The following COL18A1 variants were observed in gnomAD, a reference collection of about 807,000 sequenced individuals.
The protein encoded by COL18A1 is collagen type XVIII alpha 1 chain, also known as collagen alpha-1(XVIII) chain.
Under a neutral mutation model 168.0 loss-of-function variants are expected in COL18A1, and 133 were observed. The ratio of observed to expected loss-of-function variants is 0.79; its 90% CI spans 0.69 to 0.91. The LOEUF is 0.91. COL18A1 is among the 40% of genes least tolerant of loss of function. The pLI is 0.00. For missense variants in COL18A1, 2,126 were observed against 1,925.4 expected (o/e 1.10, Z -1.95); for synonymous variants, 949 against 809.0 (o/e 1.17, Z -2.94).
chr21:45,449,043 C>G (rs1305445962), intron 2 of COL18A1, among the ~76,000 whole-genome samples: 1 of 152,240 alleles, frequency 6.6e-6, no homozygotes, highest in Non-Finnish European at 1.5e-5. Flanking sequence ...GCAGAGGTGG[C>G]AGCTGTCCCT....
rs1463771289 is a variant in COL18A1, at chr21:45,493,581, G to T, written c.2352+6G>T. On this transcript the variant is annotated splice_donor_region_variant and intron_variant, in intron 26 of 41. Coordinates refer to ENST00000651438, the MANE Select transcript of COL18A1 (RefSeq NM_001379500.1). ...CTGCCCAGAAAGGAGCCAAGGTGAG[G>T]GCCGGGCAGCCTCCTTCCGGCAGGC... The T allele has an allele frequency of 4.3e-5, 67 of 1,550,008 alleles. No homozygotes were observed. The highest frequency in any genetic ancestry group is 1.7e-4 in the Middle Eastern group (1 of 5,742).
chr21:45,480,195 C>T (rs766507192), intron 11 of COL18A1, 39 bp downstream of exon 11: 15 of 1,271,804 alleles, frequency 1.2e-5, no homozygotes, highest in South Asian at 2.5e-5. Flanking sequence ...CCGGGGTCTG[C>T]CCTCCTCAAA....
At chr21:45,470,401 A>T (rs60507805) in intron 3 of COL18A1, among the ~76,000 whole-genome samples, 488 of 81,422 alleles carry the variant, frequency 6.0e-3, no homozygotes, top group African/African-American at 0.022. Flanking sequence ...TATTTCTACC[A>T]TGTCATTTGC....
intron 2 of COL18A1, among the ~76,000 whole-genome samples, chr21:45,452,873 T>C (rs921885442): frequency 6.6e-6 from 1 of 151,906 alleles, no homozygotes; most frequent in African/African-American, 2.4e-5. Flanking sequence ...TGTGTATGCA[T>C]GTGAGTATTC....
chr21:45,487,429 C>A lies in COL18A1; in HGVS notation c.1834-18C>A, dbSNP rs1267210790. 1.2e-6 allele frequency: 2 copies of A among 1,612,288 alleles called. No homozygotes were observed. The highest frequency in any genetic ancestry group is 1.1e-5 in the South Asian group (1 of 91,060). On this transcript the variant is annotated intron_variant, in intron 16 of 41. Transcript: ENST00000651438. Reference sequence around the variant, plus strand: ...AGAAGGGACACAGGCCCCTACGTGTCTCGTGTGTCTCTTCCAGGATGACAT... The same window carrying A: ...AGAAGGGACACAGGCCCCTACGTGTATCGTGTGTCTCTTCCAGGATGACAT...
intron 2 of COL18A1, among the ~76,000 whole-genome samples, chr21:45,437,459 GACAC>G (rs767639363): frequency 2.6e-4 from 1 of 3,862 alleles, no homozygotes; most frequent in Non-Finnish European, 4.6e-4. Context: ...CTCACAGACA[GACAC>G]ACAGGCACTC....
rs1004161700 is a variant in COL18A1 at position 45,505,235 on chromosome 21, A to C, written c.2970A>C (p.Pro990=). 660 of 1,594,986 alleles carry C rather than the reference A, an allele frequency of 4.1e-4. 2 individuals carry two copies. The African/African-American group carries it at 4.8e-3, about 12-fold the overall frequency. Reference sequence around the variant, plus strand: ...GGCGCCAGGGCCCTCCCGGCCCCCCAGGCCCCCCAGGGCCCCCTTCATTTC... The same window carrying C: ...GGCGCCAGGGCCCTCCCGGCCCCCCCGGCCCCCCAGGGCCCCCTTCATTTC... The part of the protein sequence containing the change: ...YEGRQGPPGP[P]GPPGPPSFPG... Residue 990 remains proline, a synonymous_variant, in exon 35 of 42, where the codon CCA becomes CCC. Coordinates refer to ENST00000651438, the MANE Select transcript of COL18A1 (RefSeq NM_001379500.1).
Position 45,491,471 on chromosome 21 carries a change from G to GCCCTCGGTCAGAGACA in COL18A1, c.2157+172_2157+173insACCCTCGGTCAGAGAC, listed in dbSNP as rs2036347445. Among the ~76,000 whole-genome samples the GCCCTCGGTCAGAGACA allele has an allele frequency of 1.3e-5, 2 of 151,052 alleles. 1 individual carries two copies. Among genetic ancestry groups the GCCCTCGGTCAGAGACA allele is most frequent in the African/African-American group, 4.9e-5 (2 of 40,640 alleles). Reference sequence around the variant, plus strand: ...CACCTCCTCGGTGGGGGCTGCAGACGCCCTCGGTCAGAGACGCCTGGGGAG... The same window carrying GCCCTCGGTCAGAGACA: ...CACCTCCTCGGTGGGGGCTGCAGACGCCCTCGGTCAGAGACACCCTCGGTCAGAGACGCCTGGGGAG... On this transcript the variant is annotated intron_variant, in intron 22 of 41. Coordinates refer to ENST00000651438, the MANE Select transcript of COL18A1 (RefSeq NM_001379500.1).
intron 32 of COL18A1, among the ~76,000 whole-genome samples, chr21:45,500,318 G>A (rs1055234703): frequency 1.4e-5 from 2 of 142,246 alleles, no homozygotes; most frequent in African/African-American, 5.3e-5. Flanking sequence ...GTGTAGTGGG[G>A]GTGTGAGGGG....
intron 39 of COL18A1, among the ~76,000 whole-genome samples, chr21:45,509,824 A>G (rs534171515): frequency 1.3e-5 from 2 of 152,272 alleles, no homozygotes; most frequent in South Asian, 4.1e-4. Context: ...ATCCTTGAGG[A>G]ACCGGCGTAC....
chr21:45,484,979 A>G (rs1315944944), intron 15 of COL18A1, among the ~76,000 whole-genome samples: 1 of 152,092 alleles, frequency 6.6e-6, no homozygotes, highest in Non-Finnish European at 1.5e-5. Context: ...ATGAAGAAAA[A>G]AGGGATGAAA....
At chr21:45,474,803 G>GACGTGGACCCACAGCCTCGCCC (rs1568899770) in intron 4 of COL18A1, among the ~76,000 whole-genome samples, 1 of 146,948 alleles carries the variant, frequency 6.8e-6, no homozygotes, top group Non-Finnish European at 1.5e-5. Context: ...AGACACCGTG[G>GACGTGGACCCACAGCCTCGCCC]CTGGACTGTG....
rs1339373582 is a variant in COL18A1, at chr21:45,482,315, T to C, written c.1674+290T>C. ...AGCTTCCACGTTGGTTACGGGGCAG[T>C]GGCCATGAGCCTCTGTCGGACTGAC... On this transcript the variant is annotated intron_variant, in intron 14 of 41. Coordinates refer to ENST00000651438, the MANE Select transcript of COL18A1 (RefSeq NM_001379500.1). 6 of 680,130 alleles carry C rather than the reference T, an allele frequency of 8.8e-6. 1 individual carries two copies. The highest frequency in any genetic ancestry group is 7.2e-5 in the South Asian group (5 of 69,668). 42.1% of individuals were successfully genotyped at this position (680,130 alleles called of 1,614,324 possible). A position where few individuals can be genotyped will look rare whatever the true frequency, so the allele number is the denominator to read the frequency against.
rs762806573 is a variant in COL18A1 at position 45,493,543 on chromosome 21, G to A, written c.2320G>A (p.Gly774Ser). 6.9e-5 allele frequency: 108 copies of A among 1,559,510 alleles called. No individual in the cohort carries two copies. The highest frequency in any genetic ancestry group is 1.4e-4 in the South Asian group (12 of 84,648). The stretch of plus-strand genomic sequence containing the variant: ...GGGCAGCATCTTCAGCCCCGACGGC[G>A]GTGCCCTGGGCCCTGCCCAGAAAGG... ...EPGSIFSPDG[G>S]ALGPAQKGAK... The change falls in exon 26 of 42, where the codon GGT becomes AGT. Residue 774 changes from glycine to serine, a missense_variant. By Grantham distance (56) the Gly-to-Ser change is moderately conservative. Transcript: ENST00000651438.
rs374600969 is a variant in COL18A1, at chr21:45,492,667, C to T, written c.2188-20C>T. ...GAGGGTGCGTGATGACCCCAGCTGA[C>T]GCCGTCCCTCTTTCCCCAGGGCCGG... On this transcript the variant is annotated intron_variant, in intron 23 of 41. Coordinates refer to ENST00000651438, the MANE Select transcript of COL18A1 (RefSeq NM_001379500.1). 49 of 1,611,508 alleles carry T rather than the reference C, an allele frequency of 3.0e-5. No homozygotes were observed. Among genetic ancestry groups the T allele is most frequent in the African/African-American group, 2.0e-4 (15 of 74,980 alleles).
intron 3 of COL18A1, among the ~76,000 whole-genome samples, chr21:45,469,571 G>C (rs60049323): frequency 6.6e-6 from 1 of 152,176 alleles, no homozygotes; most frequent in Admixed American, 6.5e-5. Context: ...GGGTTGGGGG[G>C]GTGGACAGAT....
chr21:45,478,771 A>G (rs2035774184), intron 9 of COL18A1, among the ~76,000 whole-genome samples: 2 of 151,930 alleles, frequency 1.3e-5, no homozygotes, highest in South Asian at 2.1e-4. Flanking sequence ...ATCAGCAAAC[A>G]CCGTTTCCAA....
intron 20 of COL18A1, among the ~76,000 whole-genome samples, chr21:45,490,561 C>T (rs1189388914): frequency 1.3e-4 from 10 of 79,292 alleles, no homozygotes; most frequent in East Asian, 4.0e-4. Flanking sequence ...CCTGGGTCTC[C>T]GTGTGCCCTC....
At position 45,473,169 on chromosome 21, in the gene COL18A1, T is replaced by C. The variant is rs904201826; in HGVS notation, c.652-726T>C. On this transcript the variant is annotated intron_variant, in intron 3 of 41. Transcript: ENST00000651438. This position sits in a 1 kb window ranked among gnomAD's most constrained non-coding sequence, Gnocchi z 4.0. ...GCTACCCGCTTGAGGCTTAGGACGTTGCGCCCTCCTGTGTCCTTGCCCAGC... is the reference window on the plus strand; with the variant it reads ...GCTACCCGCTTGAGGCTTAGGACGTCGCGCCCTCCTGTGTCCTTGCCCAGC... Among the ~76,000 whole-genome samples the C allele has an allele frequency of 2.6e-5, 4 of 152,192 alleles. No individual in the cohort carries two copies. Among genetic ancestry groups the C allele is most frequent in the Non-Finnish European group, 5.9e-5 (4 of 68,028 alleles).
Sources: allele counts gnomAD v4.1 joint callset (sites outside exome capture counted in the v4.1 genomes callset), GRCh38; gene constraint gnomAD v4.1.1; non-coding constraint Gnocchi (gnomAD v3.1); transcripts MANE v1.5; gene names NCBI Gene and HGNC (gene_info 2026-07-23, HGNC 2026-07-21).